The following PPP2R2B variants were observed in gnomAD, a reference collection of about 807,000 sequenced individuals.
PPP2R2B encodes protein phosphatase 2 regulatory subunit Bbeta.
PPP2R2B carries 5 observed loss-of-function variants against 46.0 expected under a neutral mutation model. The ratio of observed to expected loss-of-function variants is 0.11; its 90% CI spans 0.06 to 0.23. The LOEUF (loss-of-function observed/expected upper bound fraction) is 0.23. Ranked by LOEUF, PPP2R2B falls within the 10% of genes least tolerant of loss-of-function variation. PPP2R2B has a pLI of 1.00. For synonymous variants in PPP2R2B, 215 were observed against 206.7 expected, an observed-to-expected ratio of 1.04 and a Z score of -0.34; for missense variants, 367 against 575.0, an observed-to-expected ratio of 0.64 and a Z score of 3.70.
At chr5:146,692,802 G>T (rs1778943209) in intron 4 of PPP2R2B, among the ~76,000 whole-genome samples, 1 of 152,222 alleles carries the variant, frequency 6.6e-6, no homozygotes, top group African/African-American at 2.4e-5. Flanking sequence ...CCAAAGTGCT[G>T]GGATTACAGG....
chr5:146,784,027 C>T (rs777410336), intron 2 of PPP2R2B, among the ~76,000 whole-genome samples: 3 of 152,036 alleles, frequency 2.0e-5, no homozygotes, highest in Admixed American at 6.6e-5. Context: ...GCAGAAGCAC[C>T]GAAATAGTGA....
chr5:146,855,003 G>A (rs1487034897), intron 2 of PPP2R2B, among the ~76,000 whole-genome samples: 1 of 152,010 alleles, frequency 6.6e-6, no homozygotes, highest in Non-Finnish European at 1.5e-5. Flanking sequence ...CCTCCATCTT[G>A]GAGGAGGAAT....
At position 146,736,320 on chromosome 5, in the gene PPP2R2B, C is replaced by T. The variant is rs965048592; in HGVS notation, c.71-35178G>A. Among the ~76,000 whole-genome samples the T allele has an allele frequency of 4.7e-4, 71 of 152,246 alleles. 1 individual carries two copies. The highest frequency in any genetic ancestry group is 6.5e-5 in the Admixed American group (1 of 15,294). ...TATGTCTTTATTAGCAGCGTGAGAA[C>T]AGACTAATACAGTGACAATAACTAA... On this transcript the variant is annotated intron_variant, in intron 2 of 9. Transcript: ENST00000394411.
In PPP2R2B at chr5:146,831,954, A is replaced by T. The variant is rs369561578; in HGVS notation, c.70+46048T>A. On this transcript the variant is annotated intron_variant, in intron 2 of 9. Transcript: ENST00000394411. ...GAAGACAGTGACATTGATAATCCTG[A>T]CCCTGTGTAGGCCTAAGGTAACATG... Among the ~76,000 whole-genome samples, 34 of 152,278 alleles carry T rather than the reference A, an allele frequency of 2.2e-4. 1 individual carries two copies. The East Asian group carries it at 2.7e-3, about 12-fold the overall frequency.
At chr5:146,867,896 A>G (rs929991669) in intron 2 of PPP2R2B, among the ~76,000 whole-genome samples, 3 of 152,226 alleles carry the variant, frequency 2.0e-5, no homozygotes, top group Non-Finnish European at 4.4e-5. Context: ...CTACTTTATA[A>G]TAGTGGAAGA....
At chr5:147,062,408 A>T (rs971748418) in intron 2 of PPP2R2B, among the ~76,000 whole-genome samples, 2 of 152,210 alleles carry the variant, frequency 1.3e-5, no homozygotes, top group African/African-American at 4.8e-5. Flanking sequence ...TCATCTGAGG[A>T]TTCATTCAAC....
At chr5:147,049,099 C>CGTGTGT (rs1756674212) in intron 1 of PPP2R2B, among the ~76,000 whole-genome samples, 1 of 83,016 alleles carries the variant, frequency 1.2e-5, no homozygotes, top group African/African-American at 3.8e-5. Flanking sequence ...AGGGAATGAG[C>CGTGTGT]ATGTGTGTGT....
chr5:147,053,727 G>T (rs1202270490), intron 1 of PPP2R2B, among the ~76,000 whole-genome samples: 6 of 152,088 alleles, frequency 3.9e-5, no homozygotes, highest in South Asian at 2.1e-4. Context: ...AAACACGTGG[G>T]GCATGGGACT....
At chr5:147,035,472 G>T (rs1184347366) in intron 1 of PPP2R2B, among the ~76,000 whole-genome samples, 1 of 152,088 alleles carries the variant, frequency 6.6e-6, no homozygotes, top group Non-Finnish European at 1.5e-5. Flanking sequence ...ACCAAAGTCA[G>T]GTCATTCTCT....
Position 146,691,241 on chromosome 5 carries a change from C to A in PPP2R2B, c.335-1G>T. 1 of 1,612,996 alleles carries A rather than the reference C, an allele frequency of 6.2e-7. No homozygotes were observed. The highest frequency in any genetic ancestry group is 8.5e-7 in the Non-Finnish European group (1 of 1,179,238). ...ACTTTCCACAGCTTCACAGTTTTATCTGTAGTGGGCAACCAGATTAAGTCA... is the reference window on the plus strand; with the variant it reads ...ACTTTCCACAGCTTCACAGTTTTATATGTAGTGGGCAACCAGATTAAGTCA... On this transcript the variant is annotated splice_acceptor_variant, in intron 4 of 9. Coordinates refer to ENST00000394411, the MANE Select transcript of PPP2R2B (RefSeq NM_181675.4). LOFTEE classifies it high-confidence loss of function.
At chr5:147,058,085 G>A (rs1454509365), upstream of PPP2R2B, among the ~76,000 whole-genome samples, 2 of 152,154 alleles carry the variant, frequency 1.3e-5, no homozygotes, top group African/African-American at 2.4e-5. Context: ...GGAGATCAAC[G>A]TCTAATTCAT....
chr5:147,029,053 T>C (rs1755656943), intron 1 of PPP2R2B, among the ~76,000 whole-genome samples: 1 of 152,222 alleles, frequency 6.6e-6, no homozygotes, highest in South Asian at 2.1e-4. Context: ...TTAAGTCTGT[T>C]GGTAGTCACC....
chr5:146,931,517 G>C (rs541919639), intron 1 of PPP2R2B, among the ~76,000 whole-genome samples: 224 of 152,262 alleles, frequency 1.5e-3, no homozygotes, highest in African/African-American at 5.3e-3. Flanking sequence ...AGGGTTGACT[G>C]TTTGCTTATC....
In PPP2R2B at chr5:146,600,397, G is replaced by A. The variant is rs1277397270; in HGVS notation, c.854C>T (p.Ser285Leu). The change falls in exon 8 of 10, where the codon TCG (serine) becomes TTG (leucine). Residue 285 changes from serine (S) to leucine (L), a missense_variant. Transcript: ENST00000394411. ...SFFSEIISSISDVKFSHSGRY... is the reference protein window; with the variant it reads ...SFFSEIISSILDVKFSHSGRY... ...CCCACTGTGGCTGAACTTCACATCC[G>A]AAATCGAAGAGATAATTTCAGAGAA... 9 of 1,613,746 alleles carry A rather than the reference G, an allele frequency of 5.6e-6. No individual in the cohort carries two copies. Among genetic ancestry groups the A allele is most frequent in the South Asian group, 4.4e-5 (4 of 91,076 alleles).
intron 1 of PPP2R2B, among the ~76,000 whole-genome samples, chr5:146,931,921 G>A (rs916919564): frequency 7.9e-5 from 12 of 152,152 alleles, no homozygotes; most frequent in African/African-American, 2.4e-4. Flanking sequence ...TGGCATATGT[G>A]TGGATGCATG....
At chr5:146,691,736 CT>C (rs1234523124) in intron 4 of PPP2R2B, among the ~76,000 whole-genome samples, 2 of 152,186 alleles carry the variant, frequency 1.3e-5, no homozygotes, top group Admixed American at 6.5e-5. Flanking sequence ...TCTGACCCCC[CT>C]GTCCATCCTC....
intron 1 of PPP2R2B, among the ~76,000 whole-genome samples, chr5:146,972,268 A>G (rs973330660): frequency 7.9e-5 from 12 of 152,200 alleles, no homozygotes; most frequent in Non-Finnish European, 1.6e-4. Flanking sequence ...ATCAGATGGT[A>G]GGTGTTATCA....
chr5:146,794,189 G>A (rs969485687), intron 2 of PPP2R2B, among the ~76,000 whole-genome samples: 1 of 152,040 alleles, frequency 6.6e-6, no homozygotes, highest in Non-Finnish European at 1.5e-5. Flanking sequence ...CTACAGCTTA[G>A]CTTGAAAAAA....
intron 2 of PPP2R2B, among the ~76,000 whole-genome samples, chr5:146,790,413 C>T (rs1005023231): frequency 6.6e-6 from 1 of 152,196 alleles, no homozygotes; most frequent in African/African-American, 2.4e-5. Context: ...GATTTTCACA[C>T]TTCATTAGCA....
Sources: gnomAD v4.1 joint callset for allele counts (sites outside exome capture counted in the v4.1 genomes callset) on GRCh38, gnomAD v4.1.1 for gene constraint, MANE v1.5 for transcripts, NCBI Gene and HGNC (gene_info 2026-07-23, HGNC 2026-07-21) for gene names.